SOX5: variants seen among roughly 807,000 people sequenced by gnomAD.
The protein encoded by SOX5 is transcription factor SOX-5.
A neutral mutation model predicts 92.0 loss-of-function variants in SOX5; 9 were observed. That is an observed-to-expected ratio of 0.10 (90% CI 0.06 to 0.17). The LOEUF (loss-of-function observed/expected upper bound fraction) is 0.17. SOX5 is among the 10% of genes least tolerant of loss of function. The pLI is 1.00. For missense variants in SOX5, 642 were observed against 944.5 expected (o/e 0.68, Z 4.20); for synonymous variants, 344 against 336.3 (o/e 1.02, Z -0.25).
At chr12:24,138,596 TG>T (rs1181726465) in intron 4 of SOX5, among the ~76,000 whole-genome samples, 1 of 152,198 alleles carries the variant, frequency 6.6e-6, no homozygotes, top group African/African-American at 2.4e-5. Context: ...AGGAGGTTGG[TG>T]GGGGATGGGT....
At chr12:23,646,711 C>A (rs2080898886) in intron 7 of SOX5, among the ~76,000 whole-genome samples, 2 of 152,186 alleles carry the variant, frequency 1.3e-5, no homozygotes, top group South Asian at 4.1e-4. Flanking sequence ...GAATTAATTT[C>A]AAGAAACCAT....
intron 1 of SOX5, among the ~76,000 whole-genome samples, chr12:24,469,357 G>T (rs932365756): frequency 6.6e-6 from 1 of 152,184 alleles, no homozygotes; most frequent in Non-Finnish European, 1.5e-5. Context: ...CCAGTACCGG[G>T]TGTTGGGGAC....
intron 2 of SOX5, among the ~76,000 whole-genome samples, chr12:24,327,574 C>A (rs1950852994): frequency 6.6e-6 from 1 of 151,276 alleles, no homozygotes; most frequent in Non-Finnish European, 1.5e-5. Flanking sequence ...TGCCACCATG[C>A]CCAGCTAATT....
chr12:24,517,953 T>C (rs1239988261), intron 1 of SOX5, among the ~76,000 whole-genome samples: 1 of 152,206 alleles, frequency 6.6e-6, no homozygotes, highest in Non-Finnish European at 1.5e-5. Context: ...AAATGTAGTT[T>C]CAACGTACAA....
chr12:23,742,266 A>G (rs1476351468), intron 4 of SOX5, among the ~76,000 whole-genome samples: 1 of 152,180 alleles, frequency 6.6e-6, no homozygotes, highest in East Asian at 1.9e-4. Context: ...GAATAGAAAG[A>G]AGGGTTCTAA....
intron 3 of SOX5, among the ~76,000 whole-genome samples, chr12:23,786,316 A>G (rs1041566503): frequency 2.6e-5 from 4 of 152,006 alleles, no homozygotes; most frequent in African/African-American, 9.7e-5. Context: ...TATTGTATGT[A>G]GCTATTTAAA....
At chr12:24,310,377 A>G (rs1949053374) in intron 2 of SOX5, among the ~76,000 whole-genome samples, 1 of 152,176 alleles carries the variant, frequency 6.6e-6, no homozygotes, top group African/African-American at 2.4e-5. Context: ...TCATTATTCC[A>G]AGAAGAAGCC....
At chr12:24,106,526 C>T (rs1001251593) in intron 4 of SOX5, among the ~76,000 whole-genome samples, 1 of 152,114 alleles carries the variant, frequency 6.6e-6, no homozygotes, top group African/African-American at 2.4e-5. Context: ...CGTGGTGACT[C>T]ATGTCTGTAA....
intron 1 of SOX5, among the ~76,000 whole-genome samples, chr12:24,489,991 C>T (rs1946887849): frequency 6.6e-6 from 1 of 152,192 alleles, no homozygotes; most frequent in Non-Finnish European, 1.5e-5. Flanking sequence ...CTCACTACTG[C>T]CCACAGATAC....
At chr12:23,748,486 T>G (rs1162074011) in intron 4 of SOX5, among the ~76,000 whole-genome samples, 1 of 151,924 alleles carries the variant, frequency 6.6e-6, no homozygotes, top group East Asian at 1.9e-4. Flanking sequence ...ACAAATGAAA[T>G]AGATAAATGG....
intron 1 of SOX5, among the ~76,000 whole-genome samples, chr12:24,387,839 C>G (rs541243011): frequency 6.6e-6 from 1 of 152,256 alleles, no homozygotes; most frequent in East Asian, 1.9e-4. Context: ...CTGTCTCTGG[C>G]CACAGTTAAG....
intron 1 of SOX5, among the ~76,000 whole-genome samples, chr12:24,494,231 T>G (rs1435822215): frequency 6.6e-6 from 1 of 152,036 alleles, no homozygotes; most frequent in South Asian, 2.1e-4. Flanking sequence ...GGGCAGGTAA[T>G]AAGAAAATAT....
In SOX5 at chr12:24,046,615, A is replaced by C. The variant is rs527431271; in HGVS notation, c.-1-150591T>G. ...AACTTAATTATGAAAAAGTAAAACA[A>C]AAGACATGCTACCTAGCCTCAGAAC... is the stretch of plus-strand genomic sequence containing the variant. On this transcript the variant is annotated intron_variant, in intron 4 of 4. Transcript: ENST00000446891. 2.0e-5 allele frequency among the ~76,000 whole-genome samples: 3 copies of C among 152,216 alleles called. No homozygotes were observed. The East Asian group carries it at 5.8e-4, about 29-fold the overall frequency.
intron 4 of SOX5, among the ~76,000 whole-genome samples, chr12:24,012,730 C>T (rs1308772205): frequency 1.1e-4 from 16 of 152,106 alleles, no homozygotes. Context: ...CCTCTACATC[C>T]ATTTTTAACC....
chr12:23,550,252 C>A (rs1468064284), intron 11 of SOX5, among the ~76,000 whole-genome samples: 1 of 151,836 alleles, frequency 6.6e-6, no homozygotes, highest in Non-Finnish European at 1.5e-5. Flanking sequence ...GAAGAGGACA[C>A]TTTTGAGGTT....
chr12:23,794,695 T>G (rs912215236), intron 3 of SOX5, among the ~76,000 whole-genome samples: 2 of 152,190 alleles, frequency 1.3e-5, no homozygotes, highest in Non-Finnish European at 2.9e-5. Flanking sequence ...ACAAATAATT[T>G]TTTATTTCAT....
At chr12:23,940,459 C>G (rs1943411164) in intron 1 of SOX5, among the ~76,000 whole-genome samples, 1 of 151,114 alleles carries the variant, frequency 6.6e-6, no homozygotes, top group East Asian at 1.9e-4. Context: ...ATTCTGACCA[C>G]TAGAGTTAGG....
At chr12:24,385,990 C>G (rs114287532) in intron 1 of SOX5, among the ~76,000 whole-genome samples, 2 of 143,472 alleles carry the variant, frequency 1.4e-5, no homozygotes, top group African/African-American at 5.2e-5. Flanking sequence ...TTTAAAAGAT[C>G]AAATGTTTTA....
intron 2 of SOX5, among the ~76,000 whole-genome samples, chr12:24,282,681 C>T (rs935542115): frequency 1.3e-5 from 2 of 152,130 alleles, no homozygotes; most frequent in African/African-American, 4.8e-5. Flanking sequence ...AGATCCATTA[C>T]ACTTCATCTT....
Sources: gnomAD v4.1 joint callset for allele counts (sites outside exome capture counted in the v4.1 genomes callset) on GRCh38, gnomAD v4.1.1 for gene constraint, MANE v1.5 for transcripts, NCBI Gene and HGNC (gene_info 2026-07-23, HGNC 2026-07-21) for gene names.